Variants in CA1 observed in about 807,000 individuals in gnomAD.
CA1 encodes carbonic anhydrase 1.
Under a neutral mutation model 28.8 loss-of-function variants are expected in CA1, and 27 were observed. The ratio of observed to expected loss-of-function variants is 0.94; its 90% confidence interval spans 0.69 to 1.29. The LOEUF (loss-of-function observed/expected upper bound fraction) is 1.29. Ranked by LOEUF, CA1 falls within the 50% of genes most tolerant of loss-of-function variation. The pLI is 0.00. For synonymous variants in CA1, 121 were observed against 108.8 expected, an observed-to-expected ratio of 1.11 and a Z score of -0.70; for missense variants, 335 against 310.5, an observed-to-expected ratio of 1.08 and a Z score of -0.59.
In CA1 at chr8:85,329,732, G is replaced by GT. The variant is rs770723914; in HGVS notation, c.625dup (p.Thr209AsnfsTer6). 1.9e-6 allele frequency: 3 copies of GT among 1,609,536 alleles called. No homozygotes were observed. Among genetic ancestry groups the GT allele is most frequent in the Non-Finnish European group, 2.5e-6 (3 of 1,177,708 alleles). ...GATGCTCTCCTTACAGATGATCCAA[G>GT]TTACACTCTCATAAAGAGGAGGATG... On this transcript the variant is annotated frameshift_variant, in exon 7 of 8. Coordinates refer to ENST00000523022, the MANE Select transcript of CA1 (RefSeq NM_001128831.4). LOFTEE classifies it low-confidence loss of function (END_TRUNC).
chr8:85,359,123 A>AATG (rs1809704031), intron 1 of CA1, among the ~76,000 whole-genome samples: 1 of 152,186 alleles, frequency 6.6e-6, no homozygotes, highest in Admixed American at 6.5e-5. Context: ...TGTTAAACAC[A>AATG]ATGGAAATTA....
At chr8:85,371,945 A>G (rs1008330646) in intron 1 of CA1, among the ~76,000 whole-genome samples, 16 of 152,292 alleles carry the variant, frequency 1.1e-4, no homozygotes, top group African/African-American at 3.1e-4. Flanking sequence ...GTCAGGTCCT[A>G]TGCTGGGTGT....
chr8:85,360,552 G>A (rs1489707992), intron 1 of CA1, among the ~76,000 whole-genome samples: 3 of 152,106 alleles, frequency 2.0e-5, no homozygotes, highest in Non-Finnish European at 2.9e-5. Context: ...AATTAGCCAG[G>A]CGTGGTGGCA....
Position 85,328,617 on chromosome 8 carries a change from C to T in CA1, c.729G>A (p.Gln243=). The T allele has an allele frequency of 6.2e-7, 1 of 1,611,978 alleles. No individual in the cohort carries two copies. Among genetic ancestry groups the T allele is most frequent in the South Asian group, 1.1e-5 (1 of 90,900 alleles). The stretch of plus-strand genomic sequence containing the variant: ...GAGGTTGGGTTGGGCGGTTGTTGTG[C>T]TGCATGGGGACAGCGTTATCACCTT... The part of the protein sequence containing the change: ...NVEGDNAVPM[Q]HNNRPTQPLK... The change falls in exon 8 of 8, where the codon CAG becomes CAA. Residue 243 remains glutamine (Q), a synonymous_variant. Coordinates refer to ENST00000523022, the MANE Select transcript of CA1 (RefSeq NM_001128831.4).
intron 4 of CA1, among the ~76,000 whole-genome samples, chr8:85,335,488 T>C (rs1808612563): frequency 6.6e-6 from 1 of 152,174 alleles, no homozygotes; most frequent in Non-Finnish European, 1.5e-5. Flanking sequence ...TAGTAAGTGG[T>C]CGAGCTTTGA....
intron 5 of CA1, among the ~76,000 whole-genome samples, chr8:85,333,110 C>T (rs1808481758): frequency 6.6e-6 from 1 of 151,978 alleles, no homozygotes; most frequent in African/African-American, 2.4e-5. Context: ...TATTTCTTTC[C>T]TAATGAGATA....
chr8:85,372,914 G>A (rs557381261), intron 1 of CA1, among the ~76,000 whole-genome samples: 79 of 152,244 alleles, frequency 5.2e-4, no homozygotes, highest in Non-Finnish European at 7.8e-4. Context: ...TTGTGTTCAA[G>A]TAACCCTTAT....
chr8:85,332,322 A>C, intron 6 of CA1, 168 bp downstream of exon 6: 1 of 617,942 alleles, frequency 1.6e-6, no homozygotes, highest in Non-Finnish European at 2.9e-6. Context: ...AATTCCCTGC[A>C]TTAGAGACTT....
At chr8:85,376,908 G>C (rs1159424300) in intron 1 of CA1, among the ~76,000 whole-genome samples, 4 of 151,928 alleles carry the variant, frequency 2.6e-5, no homozygotes, top group Non-Finnish European at 5.9e-5. Flanking sequence ...TTGATTCTCT[G>C]ATACAGTATC....
intron 1 of CA1, among the ~76,000 whole-genome samples, chr8:85,359,964 A>C (rs1475835718): frequency 6.6e-6 from 1 of 152,210 alleles, no homozygotes; most frequent in Admixed American, 6.5e-5. Context: ...ACCATGGAAA[A>C]CATGTGCTTA....
intron 6 of CA1, among the ~76,000 whole-genome samples, chr8:85,330,831 T>C (rs1431331814): frequency 6.6e-6 from 1 of 152,180 alleles, no homozygotes. Flanking sequence ...ACTACTCTTT[T>C]AAAACACTGT....
intron 1 of CA1, among the ~76,000 whole-genome samples, chr8:85,353,939 G>C (rs1280748435): frequency 6.6e-6 from 1 of 151,872 alleles, no homozygotes; most frequent in Non-Finnish European, 1.5e-5. Flanking sequence ...ATCCTGACAG[G>C]GAGGGAAAGG....
intron 2 of CA1, chr8:85,341,309 A>G (rs1808917079): frequency 3.4e-6 from 1 of 292,270 alleles, no homozygotes; most frequent in Admixed American, 4.7e-5. Flanking sequence ...AAAACTCCAA[A>G]TTTTATGTGA....
intron 1 of CA1, among the ~76,000 whole-genome samples, chr8:85,352,097 G>A (rs904664499): frequency 2.6e-5 from 4 of 152,184 alleles, no homozygotes; most frequent in African/African-American, 9.7e-5. Flanking sequence ...GTAACTCATA[G>A]TTGCATATTA....
intron 1 of CA1, among the ~76,000 whole-genome samples, chr8:85,350,236 T>C (rs954743876): frequency 2.0e-5 from 3 of 152,210 alleles, no homozygotes; most frequent in African/African-American, 7.2e-5. Context: ...ATCACGTAAC[T>C]CTTCTGTCCT....
intron 1 of CA1, among the ~76,000 whole-genome samples, chr8:85,374,542 G>GA (rs1810341090): frequency 6.6e-6 from 1 of 152,020 alleles, no homozygotes. Context: ...GGTTTTAATC[G>GA]TACGTAAGAC....
chr8:85,338,543 G>T, intron 2 of CA1, 94 bp from the exon 3 acceptor site: 2 of 900,010 alleles, frequency 2.2e-6, no homozygotes, highest in Non-Finnish European at 3.7e-6. Context: ...TTAGATTAGG[G>T]TTTATTTCAG....
chr8:85,330,448 A>T (rs1808352688), intron 6 of CA1, among the ~76,000 whole-genome samples: 2 of 152,102 alleles, frequency 1.3e-5, no homozygotes, highest in African/African-American at 4.8e-5. Context: ...CTATCATAAT[A>T]TGTACTCTTT....
chr8:85,364,194 T>C (rs1296829293), intron 1 of CA1, among the ~76,000 whole-genome samples: 3 of 152,154 alleles, frequency 2.0e-5, no homozygotes, highest in Non-Finnish European at 4.4e-5. Context: ...GACTTTGCGA[T>C]GTGCTGCTCT....
Sources: allele counts gnomAD v4.1 joint callset (sites outside exome capture counted in the v4.1 genomes callset), GRCh38; gene constraint gnomAD v4.1.1; transcripts MANE v1.5; gene names NCBI Gene and HGNC (gene_info 2026-07-23, HGNC 2026-07-21).